Variants in SMC3 observed in about 807,000 individuals in gnomAD.
SMC3 encodes the protein structural maintenance of chromosomes 3, also known as structural maintenance of chromosomes protein 3.
Under a neutral mutation model 171.8 loss-of-function variants are expected in SMC3, and 20 were observed. The observed-to-expected ratio is 0.12, with a 90% CI of 0.08 to 0.17. The LOEUF is 0.17. Ranked by LOEUF, SMC3 falls within the 10% of genes least tolerant of loss-of-function variation. The pLI, the probability that SMC3 is intolerant of heterozygous loss-of-function variation, is 1.00. For missense variants in SMC3, 543 were observed against 1,420.4 expected, an observed-to-expected ratio of 0.38 and a Z score of 9.93; for synonymous variants, 464 against 451.1, an observed-to-expected ratio of 1.03 and a Z score of -0.36.
intron 20 of SMC3, 38 bp downstream of exon 20, chr10:110,598,328 C>A: frequency 6.4e-7 from 1 of 1,573,410 alleles, no homozygotes; most frequent in South Asian, 1.1e-5. Context: ...TCGATTGTTA[C>A]AGATTAATAA....
In SMC3 at chr10:110,604,211, T is replaced by C; in HGVS notation, c.3583-20T>C. ...ACTGATGTAATTAACAGATTTTTGT[T>C]TTTAACATTTATTCTTCAGGTTAGT... On this transcript the variant is annotated intron_variant, in intron 28 of 28. Coordinates refer to ENST00000361804, the MANE Select transcript of SMC3 (RefSeq NM_005445.4). 6.3e-7 allele frequency: 1 copy of C among 1,590,298 alleles called. No homozygotes were observed. Among genetic ancestry groups the C allele is most frequent in the Non-Finnish European group, 8.6e-7 (1 of 1,159,180 alleles).
intron 20 of SMC3, among the ~76,000 whole-genome samples, chr10:110,599,024 C>G (rs1861344959): frequency 6.8e-6 from 1 of 147,984 alleles, no homozygotes; most frequent in Admixed American, 6.8e-5. Flanking sequence ...TAGTATAATA[C>G]TAAAACTACA....
chr10:110,592,693 C>T (rs1271883347), intron 17 of SMC3, among the ~76,000 whole-genome samples: 2 of 152,164 alleles, frequency 1.3e-5, no homozygotes, highest in South Asian at 2.1e-4. Flanking sequence ...ATTTAGTCTT[C>T]ACAACTTTAT....
intron 19 of SMC3, 77 bp from the exon 20 acceptor site, chr10:110,598,062 T>A (rs1397774381): frequency 1.9e-5 from 25 of 1,305,514 alleles, no homozygotes; most frequent in Non-Finnish European, 2.5e-5. Flanking sequence ...AAGGGATACA[T>A]GGTGTTGTGT....
intron 4 of SMC3, among the ~76,000 whole-genome samples, chr10:110,576,732 G>T (rs978483009): frequency 3.3e-5 from 5 of 152,018 alleles, no homozygotes; most frequent in Non-Finnish European, 5.9e-5. Flanking sequence ...TTTCAGATTG[G>T]CATTAAAATA....
At chr10:110,586,882 CCTGACCT>C (rs1861126496) in intron 13 of SMC3, among the ~76,000 whole-genome samples, 2 of 152,176 alleles carry the variant, frequency 1.3e-5, no homozygotes, top group African/African-American at 4.8e-5. Context: ...TTCTCGAACT[CCTGACCT>C]CAGGTGATCC....
In SMC3 at chr10:110,573,720, A is replaced by G; in HGVS notation, c.105A>G (p.Gly35=). The change falls in exon 3 of 29, where the codon GGA becomes GGG. Residue 35 remains glycine, a synonymous_variant. Transcript: ENST00000361804. ...GAAATTTTCCAGTGGGCAGAAATGG[A>G]TCTGGAAAAAGTAACTTTTTTTATG... is the stretch of plus-strand genomic sequence containing the variant. ...SKHNVIVGRN[G]SGKSNFFYAI... The G allele has an allele frequency of 6.2e-7, 1 of 1,600,704 alleles. No homozygotes were observed. Among genetic ancestry groups the G allele is most frequent in the Non-Finnish European group, 8.6e-7 (1 of 1,168,752 alleles).
rs765649114 is a variant in SMC3, at chr10:110,599,647, C to T, written c.2269-7C>T. On this transcript the variant is annotated splice_polypyrimidine_tract_variant and splice_region_variant and intron_variant, in intron 20 of 28. Transcript: ENST00000361804. Reference sequence around the variant, plus strand: ...TACCTTACTAATAAATGGATAATGTCATATAGCAACGTAGCTTACAGAGTT... The same window carrying T: ...TACCTTACTAATAAATGGATAATGTTATATAGCAACGTAGCTTACAGAGTT... 9.3e-6 allele frequency: 15 copies of T among 1,612,524 alleles called. No homozygotes were observed. The East Asian group carries it at 3.3e-4, about 36-fold the overall frequency.
intron 16 of SMC3, 117 bp from the exon 17 acceptor site, chr10:110,590,874 G>A: frequency 1.1e-6 from 1 of 919,712 alleles, no homozygotes; most frequent in Non-Finnish European, 1.7e-6. Context: ...CATTTTAAAA[G>A]TGCACACCTT....
At chr10:110,585,592 T>A (rs1861100406) in intron 13 of SMC3, among the ~76,000 whole-genome samples, 1 of 144,154 alleles carries the variant, frequency 6.9e-6, no homozygotes, top group African/African-American at 2.6e-5. Context: ...CCCGGTGTAA[T>A]TTTTTTTTTT....
At chr10:110,568,849 C>T in intron 1 of SMC3, 89 bp from the exon 2 acceptor site, 1 of 785,182 alleles carries the variant, frequency 1.3e-6, no homozygotes, top group Non-Finnish European at 2.2e-6. Context: ...TTCTATATTG[C>T]ATTAAATGAA....
chr10:110,570,234 G>A (rs748553115), intron 2 of SMC3, among the ~76,000 whole-genome samples: 4 of 152,148 alleles, frequency 2.6e-5, no homozygotes, highest in Non-Finnish European at 4.4e-5. Flanking sequence ...TCACATTCGG[G>A]ATTAAGGTGT....
At chr10:110,569,553 A>G (rs1860837218) in intron 2 of SMC3, among the ~76,000 whole-genome samples, 2 of 152,194 alleles carry the variant, frequency 1.3e-5, no homozygotes, top group Admixed American at 1.3e-4. Flanking sequence ...TGATGGGTGC[A>G]GCAAACCAAC....
chr10:110,578,953 G>T (rs180699163), intron 7 of SMC3, among the ~76,000 whole-genome samples: 1 of 152,238 alleles, frequency 6.6e-6, no homozygotes, highest in African/African-American at 2.4e-5. Context: ...GACATTATTG[G>T]CTTATGAATG....
chr10:110,599,242 C>T (rs1342391721), intron 20 of SMC3, among the ~76,000 whole-genome samples: 1 of 152,122 alleles, frequency 6.6e-6, no homozygotes, highest in African/African-American at 2.4e-5. Flanking sequence ...GGATTGCAGG[C>T]GTGTGCCTCC....
At chr10:110,588,355 A>G (rs2134733766) in intron 13 of SMC3, among the ~76,000 whole-genome samples, 1 of 152,310 alleles carries the variant, frequency 6.6e-6, no homozygotes, top group African/African-American at 2.4e-5. Flanking sequence ...AGTAACATTG[A>G]CTTTTGTCCA....
At chr10:110,576,056 G>T (rs1262382911) in intron 4 of SMC3, among the ~76,000 whole-genome samples, 2 of 152,146 alleles carry the variant, frequency 1.3e-5, no homozygotes, top group Non-Finnish European at 2.9e-5. Flanking sequence ...TTACAGCGGG[G>T]TTATGTCCTA....
chr10:110,582,574 C>T lies in SMC3; in HGVS notation c.736C>T (p.Arg246Ter). 6.2e-7 allele frequency: 1 copy of T among 1,612,248 alleles called. No individual in the cohort carries two copies. Among genetic ancestry groups the T allele is most frequent in the Non-Finnish European group, 8.5e-7 (1 of 1,178,530 alleles). ...TTTTTTTTCTTAGCTTTCTGCTAAG[C>T]GAGAGACTAGTGGAGAAAAATCCAG... ...RAKLDELSAK[R>*]ETSGEKSRQL... is the part of the protein sequence containing the mutation. Residue 246 changes from arginine (R) to a stop codon, truncating the protein, a stop_gained, in exon 10 of 29, where the codon CGA becomes TGA. Coordinates refer to ENST00000361804, the MANE Select transcript of SMC3 (RefSeq NM_005445.4). LOFTEE classifies it high-confidence loss of function.
At chr10:110,570,509 T>G (rs1860854892) in intron 2 of SMC3, among the ~76,000 whole-genome samples, 1 of 152,206 alleles carries the variant, frequency 6.6e-6, no homozygotes, top group African/African-American at 2.4e-5. Flanking sequence ...TTAATTGTAC[T>G]GGGGTTTTGC....
Sources: gnomAD v4.1 joint callset for allele counts (sites outside exome capture counted in the v4.1 genomes callset) on GRCh38, gnomAD v4.1.1 for gene constraint, MANE v1.5 for transcripts, NCBI Gene and HGNC (gene_info 2026-07-23, HGNC 2026-07-21) for gene names.